The following PTPRN2 variants were observed in gnomAD, a reference collection of about 807,000 sequenced individuals.
The protein encoded by PTPRN2 is receptor-type tyrosine-protein phosphatase N2.
A neutral mutation model predicts 118.8 loss-of-function variants in PTPRN2; 74 were observed. The ratio of observed to expected loss-of-function variants is 0.62; its 90% CI spans 0.52 to 0.76. The LOEUF (loss-of-function observed/expected upper bound fraction) is 0.76. Among genes scored for constraint, PTPRN2 ranks in the 30% least tolerant of loss-of-function variants. PTPRN2 has a pLI of 0.00. For synonymous variants in PTPRN2, 641 were observed against 608.0 expected, an observed-to-expected ratio of 1.05 and a Z score of -0.80; for missense variants, 1,481 against 1,394.4, an observed-to-expected ratio of 1.06 and a Z score of -0.99.
chr7:157,565,932 C>G (rs1003905267), intron 21 of PTPRN2, among the ~76,000 whole-genome samples: 1 of 152,232 alleles, frequency 6.6e-6, no homozygotes, highest in African/African-American at 2.4e-5. Context: ...GCCTACTTTC[C>G]TGCCACAAAA....
intron 3 of PTPRN2, among the ~76,000 whole-genome samples, chr7:158,260,271 G>C (rs949797384): frequency 6.6e-6 from 1 of 152,196 alleles, no homozygotes; most frequent in African/African-American, 2.4e-5. Flanking sequence ...GCCCTAGGCT[G>C]CCTTCCCAAG....
At chr7:158,277,114 C>A (rs1247027052) in intron 3 of PTPRN2, among the ~76,000 whole-genome samples, 1 of 148,676 alleles carries the variant, frequency 6.7e-6, no homozygotes, top group African/African-American at 2.4e-5. Context: ...CACGTGCACA[C>A]ACACACACAC....
At chr7:157,698,314 A>C (rs1212163383) in intron 12 of PTPRN2, among the ~76,000 whole-genome samples, 1 of 152,264 alleles carries the variant, frequency 6.6e-6, no homozygotes, top group South Asian at 2.1e-4. Flanking sequence ...ATAAATCACC[A>C]ACACAACTCA....
intron 3 of PTPRN2, among the ~76,000 whole-genome samples, chr7:158,308,781 T>C (rs543678408): frequency 6.6e-6 from 1 of 152,132 alleles, no homozygotes; most frequent in Non-Finnish European, 1.5e-5. Flanking sequence ...TAATCAGGAA[T>C]GAAAAGACAT....
intron 2 of PTPRN2, among the ~76,000 whole-genome samples, chr7:158,440,973 GTGGTAGTGGTGGTGGTGA>G (rs1817012945): frequency 6.8e-6 from 1 of 147,274 alleles, no homozygotes; most frequent in Non-Finnish European, 1.5e-5. Flanking sequence ...AGTGGTGTTG[GTGGTAGTGGTGGTGGTGA>G]TGGCAGTGAT....
At chr7:158,399,011 G>A (rs1318523873) in intron 2 of PTPRN2, among the ~76,000 whole-genome samples, 1 of 152,106 alleles carries the variant, frequency 6.6e-6, no homozygotes, top group African/African-American at 2.4e-5. Context: ...AATGTCTTAT[G>A]TATTTGCTTA....
intron 2 of PTPRN2, among the ~76,000 whole-genome samples, chr7:158,447,088 T>C (rs529021283): frequency 4.1e-4 from 63 of 152,252 alleles, no homozygotes; most frequent in South Asian, 1.2e-3. Flanking sequence ...TGGCCTCTGA[T>C]TGTCAAACAG....
chr7:158,452,286 A>C (rs1350396887), intron 2 of PTPRN2, among the ~76,000 whole-genome samples: 1 of 152,218 alleles, frequency 6.6e-6, no homozygotes, highest in Non-Finnish European at 1.5e-5. Context: ...AATTTCAAAA[A>C]AAATTGTTAA....
chr7:158,409,487 G>A (rs1275576512), intron 2 of PTPRN2, among the ~76,000 whole-genome samples: 1 of 152,128 alleles, frequency 6.6e-6, no homozygotes, highest in Non-Finnish European at 1.5e-5. Context: ...GCTGCTAACA[G>A]ATAGAGTCAG....
At position 158,570,700 on chromosome 7, in the gene PTPRN2, G is replaced by T. The variant is rs1046194904; in HGVS notation, c.112+16858C>A. 6.6e-6 allele frequency among the ~76,000 whole-genome samples: 1 copy of T among 152,214 alleles called. No homozygotes were observed. The highest frequency in any genetic ancestry group is 2.4e-5 in the African/African-American group (1 of 41,452). On this transcript the variant is annotated intron_variant, in intron 1 of 22. Coordinates refer to ENST00000389418, the MANE Select transcript of PTPRN2 (RefSeq NM_002847.5). This position sits in a 1 kb window ranked among gnomAD's most constrained non-coding sequence, Gnocchi z 4.5. ...ACCGGCTCAGCACGCGGCTGGGTAC[G>T]GTTTGCAACGCCGAGAGCCCGCGGA... is the stretch of plus-strand genomic sequence containing the variant.
intron 2 of PTPRN2, among the ~76,000 whole-genome samples, chr7:158,430,319 G>C (rs867452245): frequency 5.3e-4 from 80 of 152,358 alleles, no homozygotes; most frequent in African/African-American, 1.9e-3. Flanking sequence ...GGGATGAGGT[G>C]AGGGAGAGCA....
intron 6 of PTPRN2, among the ~76,000 whole-genome samples, chr7:158,160,649 C>T (rs954590339): frequency 7.2e-5 from 11 of 152,116 alleles, no homozygotes; most frequent in African/African-American, 2.7e-4. Context: ...TTGTCAAAAG[C>T]CTTAGGTTGT....
intron 2 of PTPRN2, among the ~76,000 whole-genome samples, chr7:158,482,748 T>TA (rs1820736171): frequency 6.6e-6 from 1 of 152,124 alleles, no homozygotes; most frequent in East Asian, 1.9e-4. Flanking sequence ...TGGTTTTTTT[T>TA]ATATTCACAA....
intron 3 of PTPRN2, among the ~76,000 whole-genome samples, chr7:158,284,592 A>T (rs1398435250): frequency 6.6e-6 from 1 of 152,034 alleles, no homozygotes; most frequent in African/African-American, 2.4e-5. Flanking sequence ...TGAACTTCCT[A>T]ATGAGAATTT....
chr7:158,456,744 T>G (rs1222712552), intron 2 of PTPRN2, among the ~76,000 whole-genome samples: 1 of 152,264 alleles, frequency 6.6e-6, no homozygotes, highest in East Asian at 1.9e-4. Flanking sequence ...CACCATATTC[T>G]GTGTATCTCT....
In PTPRN2 at chr7:158,438,351, G is replaced by T. The variant is rs1208164380; in HGVS notation, c.163+51384C>A. ...TGCACTCCAACCTGGGCAACAGAGTGGGACTCCATCTCAAAAAAAAAAAAG... is the reference window on the plus strand; with the variant it reads ...TGCACTCCAACCTGGGCAACAGAGTTGGACTCCATCTCAAAAAAAAAAAAG... On this transcript the variant is annotated intron_variant, in intron 2 of 22. Coordinates refer to ENST00000389418, the MANE Select transcript of PTPRN2 (RefSeq NM_002847.5). This position sits in a 1 kb window ranked among gnomAD's most constrained non-coding sequence, Gnocchi z 4.7. Among the ~76,000 whole-genome samples the T allele has an allele frequency of 6.6e-6, 1 of 151,770 alleles. No homozygotes were observed. Among genetic ancestry groups the T allele is most frequent in the Non-Finnish European group, 1.5e-5 (1 of 67,960 alleles).
chr7:158,171,155 T>TATATACACACATATATACAC (rs1563554756), intron 5 of PTPRN2, among the ~76,000 whole-genome samples: 5 of 20,100 alleles, frequency 2.5e-4, no homozygotes, highest in South Asian at 1.4e-3. Context: ...TATATACACA[T>TATATACACACATATATACAC]ATATATACAC....
chr7:157,636,010 A>C (rs1405176210), intron 14 of PTPRN2, among the ~76,000 whole-genome samples: 1 of 152,250 alleles, frequency 6.6e-6, no homozygotes, highest in African/African-American at 2.4e-5. Context: ...TTAATGGCAA[A>C]TACTTCCCCA....
rs867472842 is a variant in PTPRN2 at position 158,374,007 on chromosome 7, A to C, written c.164-57075T>G. Among the ~76,000 whole-genome samples, 6 of 152,194 alleles carry C rather than the reference A, an allele frequency of 3.9e-5. No homozygotes were observed. In the South Asian group the frequency reaches 8.3e-4, roughly 21 times the overall value. On this transcript the variant is annotated intron_variant, in intron 2 of 22. Transcript: ENST00000389418. ...GGGCTGGGCCCTGAGGGAAACGGGC[A>C]GAGTGTGATGACTGTTCCCACGGTG...
Sources: allele counts gnomAD v4.1 joint callset (sites outside exome capture counted in the v4.1 genomes callset), GRCh38; gene constraint gnomAD v4.1.1; non-coding constraint Gnocchi (gnomAD v3.1); transcripts MANE v1.5; gene names NCBI Gene and HGNC (gene_info 2026-07-23, HGNC 2026-07-21).